Variants in APC2 observed in about 807,000 individuals in gnomAD.
The protein encoded by APC2 is adenomatous polyposis coli protein 2.
Under a neutral mutation model 72.5 loss-of-function variants are expected in APC2, and 41 were observed. The observed-to-expected ratio is 0.57, with a 90% confidence interval of 0.44 to 0.73. The LOEUF is 0.73. Among genes scored for constraint, APC2 ranks in the 30% least tolerant of loss-of-function variants. APC2 has a pLI of 0.00. For missense variants in APC2, 3,729 were observed against 3,403.4 expected (o/e 1.10, Z -2.38); for synonymous variants, 1,898 against 1,612.0 (o/e 1.18, Z -4.25).
intron 7 of APC2, 43 bp downstream of exon 7, chr19:1,456,196 C>T: frequency 6.4e-7 from 1 of 1,555,858 alleles, no homozygotes; most frequent in Non-Finnish European, 8.7e-7. Context: ...TGGTGTCGGC[C>T]CAGGCAGAAC....
rs138830892 is a variant in APC2 at position 1,456,317 on chromosome 19, G to C, written c.729G>C (p.Ala243=). 11 of 1,608,138 alleles carry C rather than the reference G, an allele frequency of 6.8e-6. No individual in the cohort carries two copies. In the African/African-American group the frequency reaches 1.5e-4, roughly 21 times the overall value. The change falls in exon 8 of 15, where the codon GCG becomes GCC. Residue 243 remains alanine, a synonymous_variant. Transcript: ENST00000590469. Reference sequence around the variant, plus strand: ...TGCTCTCCCTGCAGGCCTTGCTGGCGGTGAAGTCGGTGCCGGTGGACGAGG... The same window carrying C: ...TGCTCTCCCTGCAGGCCTTGCTGGCCGTGAAGTCGGTGCCGGTGGACGAGG... The part of the protein sequence containing the change: ...VQQTEPQALL[A]VKSVPVDEDP...
rs2145270598 is a variant in APC2 at position 1,471,228 on chromosome 19, C to A, written c.*1015C>A. The A allele has an allele frequency of 1.3e-5, 2 of 152,604 alleles. No homozygotes were observed. The highest frequency in any genetic ancestry group is 1.3e-4 in the Admixed American group (2 of 15,310). The allele number at this position is 152,604 out of a possible 1,614,324, so 9.5% of individuals were successfully genotyped here. A position where few individuals can be genotyped will look rare whatever the true frequency, so the allele number is the denominator to read the frequency against. Reference sequence around the variant, plus strand: ...CCATCACATGTGGGCGTGGTCAGTGCCCAGGACCGCACCGCTGCTCATCTT... The same window carrying A: ...CCATCACATGTGGGCGTGGTCAGTGACCAGGACCGCACCGCTGCTCATCTT... On this transcript the variant is annotated 3_prime_UTR_variant, in exon 15 of 15. Transcript: ENST00000590469.
chr19:1,468,222 C>T lies in APC2; in HGVS notation c.4921C>T (p.Arg1641Trp), dbSNP rs918142688. 1.0e-5 allele frequency: 15 copies of T among 1,477,036 alleles called. No homozygotes were observed. Among genetic ancestry groups the T allele is most frequent in the Non-Finnish European group, 1.3e-5 (15 of 1,122,142 alleles). The allele number at this position is 1,477,036 out of a possible 1,614,324, so 91.5% of individuals were successfully genotyped here. The stretch of plus-strand genomic sequence containing the variant: ...CATCAGCTCGGCCCTGCCCAGGCGC[C>T]GGCCCCCCGTGTCTGGCCTGCGGCG... ...RCISSALPRR[R>W]PPVSGLRRRK... is the part of the protein sequence containing the mutation. Residue 1641 changes from arginine to tryptophan, a missense_variant, in exon 15 of 15, where the codon CGG (arginine) becomes TGG (tryptophan). By Grantham distance (101) the Arg-to-Trp change is moderately radical. Coordinates refer to ENST00000590469, the MANE Select transcript of APC2 (RefSeq NM_005883.3).
chr19:1,456,381 A>G lies in APC2; in HGVS notation c.793A>G (p.Thr265Ala). 6.2e-7 allele frequency: 1 copy of G among 1,605,890 alleles called. No homozygotes were observed. The highest frequency in any genetic ancestry group is 1.3e-5 in the African/African-American group (1 of 74,680). The change falls in exon 8 of 15, where the codon ACC becomes GCC. Residue 265 changes from threonine to alanine, a missense_variant. Thr to Ala is a moderately conservative substitution (Grantham distance 58). Coordinates refer to ENST00000590469, the MANE Select transcript of APC2 (RefSeq NM_005883.3). Reference protein sequence around the residue: ...TEVPTHPEDGTPQPGNSKVEV... With the variant: ...TEVPTHPEDGAPQPGNSKVEV... ...GGTCCCCACACACCCTGAGGATGGC[A>G]CCCCTCAGCCGGGCAACAGCAAGGT...
rs2083829601 is a variant in APC2, at chr19:1,456,499, CTCCA to C, written c.816+100_816+103del. 5 of 1,265,136 alleles carry C rather than the reference CTCCA, an allele frequency of 4.0e-6. No individual in the cohort carries two copies. The Admixed American group carries it at 1.1e-4, about 29-fold the overall frequency. 78.4% of individuals were successfully genotyped at this position (1,265,136 alleles called of 1,614,324 possible). ...CGCCAGTGGTGGTGCCCTCCCATGC[CTCCA>C]TCCAGCACCCCCTCGGGTGTAGGAA... On this transcript the variant is annotated intron_variant, in intron 8 of 14. Transcript: ENST00000590469.
rs541671033 is a variant in APC2, at chr19:1,455,922, T to C, written c.640-154T>C. On this transcript the variant is annotated intron_variant, in intron 6 of 14. Coordinates refer to ENST00000590469, the MANE Select transcript of APC2 (RefSeq NM_005883.3). ...GGCTTAGGGAGCTGGCAGGGCTGGATCAGGGAGAAGGCAGAGGTAGGGTCA... is the reference window on the plus strand; with the variant it reads ...GGCTTAGGGAGCTGGCAGGGCTGGACCAGGGAGAAGGCAGAGGTAGGGTCA... Among the ~76,000 whole-genome samples, 5 of 32,170 alleles carry C rather than the reference T, an allele frequency of 1.6e-4. No homozygotes were observed. In the South Asian group the frequency reaches 4.0e-3, roughly 26 times the overall value. 21.1% of individuals were successfully genotyped at this position (32,170 alleles called of 152,430 possible).
rs753711439 is a variant in APC2, at chr19:1,467,906, C to T, written c.4605C>T (p.Arg1535=). Residue 1535 remains arginine, a synonymous_variant, in exon 15 of 15, where the codon CGC becomes CGT. Transcript: ENST00000590469. ...PTHRRTSAIP[R]AFTRERPQGR... ...ACCGGCGCACATCGGCCATCCCTCG[C>T]GCTTTTACGCGGGAGCGTCCGCAGG... The T allele has an allele frequency of 4.4e-6, 7 of 1,583,494 alleles. No homozygotes were observed. The highest frequency in any genetic ancestry group is 1.1e-5 in the South Asian group (1 of 89,188).
At chr19:1,454,563 C>CTTTTTTTTT (rs71174371) in intron 4 of APC2, among the ~76,000 whole-genome samples, 23 of 116,140 alleles carry the variant, frequency 2.0e-4, no homozygotes, top group Non-Finnish European at 2.9e-4. Flanking sequence ...ATCTTTTGTA[C>CTTTTTTTTT]TTTTTTTTTT....
Position 1,469,632 on chromosome 19 carries a change from C to A in APC2, c.6331C>A (p.Pro2111Thr). ...SLPHISVARR[P>T]DGAVPAAPAS... is the part of the protein sequence containing the mutation. ...GCCGCACATCAGCGTGGCCCGCAGG[C>A]CCGACGGCGCCGTCCCCGCGGCCCC... Residue 2111 changes from proline to threonine, a missense_variant, in exon 15 of 15, where the codon CCC (proline) becomes ACC (threonine). Coordinates refer to ENST00000590469, the MANE Select transcript of APC2 (RefSeq NM_005883.3). 1 of 1,227,728 alleles carries A rather than the reference C, an allele frequency of 8.1e-7. No individual in the cohort carries two copies. Among genetic ancestry groups the A allele is most frequent in the Non-Finnish European group, 1.0e-6 (1 of 983,984 alleles). The allele number at this position is 1,227,728 out of a possible 1,614,324, so 76.1% of individuals were successfully genotyped here. A position where few individuals can be genotyped will look rare whatever the true frequency, so the allele number is the denominator to read the frequency against.
chr19:1,453,348 G>A lies in APC2; in HGVS notation c.232+11G>A. 1 of 1,610,038 alleles carries A rather than the reference G, an allele frequency of 6.2e-7. No individual in the cohort carries two copies. The highest frequency in any genetic ancestry group is 2.2e-5 in the East Asian group (1 of 44,734). ...TGGAGCAGCTGAAGGGTGAGCGGTG[G>A]GGCCACCCGCAGAGGGAGTGGGGGA... is the stretch of plus-strand genomic sequence containing the variant. On this transcript the variant is annotated intron_variant, in intron 3 of 14. Transcript: ENST00000590469.
intron 9 of APC2, 77 bp from the exon 10 acceptor site, chr19:1,457,888 C>A (rs1368693831): frequency 2.5e-5 from 27 of 1,089,150 alleles, no homozygotes; most frequent in African/African-American, 4.1e-5. Context: ...CTGGGGCGGG[C>A]GGGTTGCGGG....
Position 1,465,688 on chromosome 19 carries a change from C to T in APC2, c.2387C>T (p.Pro796Leu). 6.3e-7 allele frequency: 1 copy of T among 1,592,864 alleles called. No individual in the cohort carries two copies. The highest frequency in any genetic ancestry group is 8.5e-7 in the Non-Finnish European group (1 of 1,171,654). Residue 796 changes from proline to leucine, a missense_variant, in exon 15 of 15, where the codon CCA (proline) becomes CTA (leucine). Transcript: ENST00000590469. ...GCTGCGGCCGCGGCCACCGGGGAGCCAGCCAGCCCTGCCGCGCTGTCCCTC... is the reference window on the plus strand; with the variant it reads ...GCTGCGGCCGCGGCCACCGGGGAGCTAGCCAGCCCTGCCGCGCTGTCCCTC... ...SLAAAAATGE[P>L]ASPAALSLFL...
Position 1,468,302 on chromosome 19 carries a change from A to G in APC2, c.5001A>G (p.Glu1667=). 6.5e-7 allele frequency: 1 copy of G among 1,543,458 alleles called. No homozygotes were observed. Among genetic ancestry groups the G allele is most frequent in the South Asian group, 1.2e-5 (1 of 83,328 alleles). Reference sequence around the variant, plus strand: ...AGCGGCCCGCAGAGGGGTCCCGGGAACGCGGCGAGGAGGCAGCGGGCTCGG... The same window carrying G: ...AGCGGCCCGCAGAGGGGTCCCGGGAGCGCGGCGAGGAGGCAGCGGGCTCGG... The part of the protein sequence containing the change: ...LDERPAEGSR[E]RGEEAAGSDR... Residue 1667 remains glutamate, a synonymous_variant, in exon 15 of 15, where the codon GAA becomes GAG. Transcript: ENST00000590469.
In APC2 at chr19:1,457,986, A is replaced by C. The variant is rs188279084; in HGVS notation, c.1229A>C (p.Gln410Pro). The C allele has an allele frequency of 7.0e-6, 11 of 1,560,512 alleles. No homozygotes were observed. Among genetic ancestry groups the C allele is most frequent in the Non-Finnish European group, 9.5e-6 (11 of 1,152,286 alleles). Residue 410 changes from glutamine to proline, a missense_variant, in exon 10 of 15, where the codon CAG becomes CCG. Transcript: ENST00000590469. ...ACAGCCCCGATCCCCATCGAGCCGC[A>C]GATCTGCCAGGCCACCTGTGCTGTT... ...AGSAPIPIEPQICQATCAVMK... is the reference protein window; with the variant it reads ...AGSAPIPIEPPICQATCAVMK...
rs2084079645 is a variant in APC2, at chr19:1,468,944, C to T, written c.5643C>T (p.Pro1881=). Residue 1881 remains proline, a synonymous_variant, in exon 15 of 15, where the codon CCC becomes CCT. Transcript: ENST00000590469. ...TPSSSSSQTS[P]ASQPLPRKRP... Reference sequence around the variant, plus strand: ...CCTCCAGCTCCTCCCAGACCTCGCCCGCCTCCCAGCCCCTGCCCAGAAAGC... The same window carrying T: ...CCTCCAGCTCCTCCCAGACCTCGCCTGCCTCCCAGCCCCTGCCCAGAAAGC... 2 of 1,544,020 alleles carry T rather than the reference C, an allele frequency of 1.3e-6. No homozygotes were observed. The highest frequency in any genetic ancestry group is 1.7e-6 in the Non-Finnish European group (2 of 1,151,262).
At chr19:1,464,457 G>A (rs1030258519) in intron 14 of APC2, among the ~76,000 whole-genome samples, 5 of 151,936 alleles carry the variant, frequency 3.3e-5, no homozygotes, top group Non-Finnish European at 7.4e-5. Context: ...TTGGGAGGCT[G>A]AGGCGGTTAG....
Position 1,469,316 on chromosome 19 carries a change from G to GCGC in APC2, c.6022_6024dup (p.Arg2008dup). Reference sequence around the variant, plus strand: ...TCATCAAGGAGTCGCCGGGCTTGCGGCGCCGCCGCTCCGAGCTGTCCTCGG... The same window carrying GCGC: ...TCATCAAGGAGTCGCCGGGCTTGCGGCGCCGCCGCCGCTCCGAGCTGTCCTCGG... On this transcript the variant is annotated inframe_insertion, in exon 15 of 15. Transcript: ENST00000590469. 1 of 1,413,604 alleles carries GCGC rather than the reference G, an allele frequency of 7.1e-7. No homozygotes were observed. The highest frequency in any genetic ancestry group is 1.3e-5 in the South Asian group (1 of 76,232). The allele number at this position is 1,413,604 out of a possible 1,614,324, so 87.6% of individuals were successfully genotyped here.
chr19:1,463,282 G>A (rs2083955769), intron 14 of APC2, among the ~76,000 whole-genome samples: 1 of 151,858 alleles, frequency 6.6e-6, no homozygotes, highest in Non-Finnish European at 1.5e-5. Flanking sequence ...GCCAGGCATG[G>A]TGGCGGGCAC....
Position 1,455,495 on chromosome 19 carries a change from G to A in APC2, c.634G>A (p.Ala212Thr), listed in dbSNP as rs1177778339. ...CACCTCGGACGAGATGGTGCAGCGG[G>A]CACAGGTGCGGCGGTGGGCGGGGTG... Reference protein sequence around the residue: ...FGTSDEMVQRAQIRASRLEQI... With the variant: ...FGTSDEMVQRTQIRASRLEQI... Residue 212 changes from alanine (A) to threonine (T), a missense_variant, in exon 6 of 15, where the codon GCA (alanine) becomes ACA (threonine). Transcript: ENST00000590469. The A allele has an allele frequency of 8.7e-6, 14 of 1,600,094 alleles. No homozygotes were observed. Among genetic ancestry groups the A allele is most frequent in the Non-Finnish European group, 1.1e-5 (13 of 1,173,724 alleles).
Sources: allele counts gnomAD v4.1 joint callset (sites outside exome capture counted in the v4.1 genomes callset), GRCh38; gene constraint gnomAD v4.1.1; transcripts MANE v1.5; gene names NCBI Gene and HGNC (gene_info 2026-07-23, HGNC 2026-07-21).